Variants in OXR1 observed in about 807,000 individuals in gnomAD.
OXR1 encodes oxidation resistance 1, also known as oxidation resistance protein 1.
A neutral mutation model predicts 104.6 loss-of-function variants in OXR1; 41 were observed. The ratio of observed to expected loss-of-function variants is 0.39; its 90% CI spans 0.31 to 0.51. The LOEUF is 0.51. OXR1 is among the 20% of genes least tolerant of loss of function. The pLI is 0.77. For missense variants in OXR1, 955 were observed against 1,031.9 expected, an observed-to-expected ratio of 0.93 and a Z score of 1.02; for synonymous variants, 348 against 348.4, an observed-to-expected ratio of 1.00 and a Z score of 0.01.
chr8:106,307,079 T>C (rs1813491581), intron 1 of OXR1, among the ~76,000 whole-genome samples: 1 of 152,004 alleles, frequency 6.6e-6, no homozygotes, highest in South Asian at 2.1e-4. Flanking sequence ...TTATCAACAA[T>C]TGGGAAAAGA....
At chr8:106,437,661 G>A (rs763281605) in intron 2 of OXR1, among the ~76,000 whole-genome samples, 2 of 152,054 alleles carry the variant, frequency 1.3e-5, no homozygotes, top group African/African-American at 2.4e-5. Context: ...TGTGAATAAG[G>A]GATGGCAAAT....
intron 3 of OXR1, among the ~76,000 whole-genome samples, chr8:106,611,690 C>T (rs1355730856): frequency 6.6e-6 from 1 of 152,146 alleles, no homozygotes; most frequent in East Asian, 1.9e-4. Context: ...TGCCCTTTCC[C>T]ACCCCCATTC....
intron 3 of OXR1, among the ~76,000 whole-genome samples, chr8:106,593,178 G>A (rs770251924): frequency 5.3e-5 from 8 of 152,104 alleles, no homozygotes; most frequent in South Asian, 2.1e-4. Context: ...CCTACCTCAC[G>A]GACTGTTAGA....
chr8:106,531,452 G>A (rs1814088223), intron 3 of OXR1, among the ~76,000 whole-genome samples: 1 of 152,102 alleles, frequency 6.6e-6, no homozygotes, highest in Non-Finnish European at 1.5e-5. Context: ...AAGATTCTTG[G>A]AGGTTATTGT....
intron 3 of OXR1, among the ~76,000 whole-genome samples, chr8:106,551,181 A>G (rs928816110): frequency 6.6e-6 from 1 of 152,226 alleles, no homozygotes; most frequent in Non-Finnish European, 1.5e-5. Flanking sequence ...TAGGTAAATT[A>G]TCTGGAAAAT....
At chr8:106,536,925 A>C (rs1327590764) in intron 3 of OXR1, among the ~76,000 whole-genome samples, 1 of 152,182 alleles carries the variant, frequency 6.6e-6, no homozygotes, top group African/African-American at 2.4e-5. Flanking sequence ...CTGTTATCTG[A>C]AAAGCAGTTA....
chr8:106,751,001 T>G lies in OXR1; in HGVS notation c.*60T>G. ...CAAACCTGACATGGACAAGCATTGT[T>G]TGGAAAGTTCAAGAAGCAATACAGT... On this transcript the variant is annotated 3_prime_UTR_variant, in exon 17 of 17. Coordinates refer to ENST00000517566, the MANE Select transcript of OXR1 (RefSeq NM_001198533.2). 7.3e-7 allele frequency: 1 copy of G among 1,376,670 alleles called. No individual in the cohort carries two copies. The highest frequency in any genetic ancestry group is 1.0e-6 in the Non-Finnish European group (1 of 1,004,926). The allele number at this position is 1,376,670 out of a possible 1,614,324, so 85.3% of individuals were successfully genotyped here. A position where few individuals can be genotyped will look rare whatever the true frequency, so the allele number is the denominator to read the frequency against.
At chr8:106,285,490 C>T (rs774945765) in intron 1 of OXR1, among the ~76,000 whole-genome samples, 17 of 152,048 alleles carry the variant, frequency 1.1e-4, no homozygotes, top group Non-Finnish European at 2.5e-4. Context: ...AGTGTCCTTC[C>T]GTTTAATGCT....
At chr8:106,275,914 A>G (rs1475893520) in intron 1 of OXR1, among the ~76,000 whole-genome samples, 1 of 152,216 alleles carries the variant, frequency 6.6e-6, no homozygotes, top group Non-Finnish European at 1.5e-5. Flanking sequence ...ATGCAGGAAA[A>G]AGGCAACCTT....
chr8:106,566,634 G>A (rs984405532), intron 3 of OXR1, among the ~76,000 whole-genome samples: 3 of 152,102 alleles, frequency 2.0e-5, no homozygotes, highest in Admixed American at 1.3e-4. Context: ...ATACTCAAAG[G>A]ATTATAAATC....
intron 3 of OXR1, among the ~76,000 whole-genome samples, chr8:106,647,425 T>C (rs1000652756): frequency 1.3e-5 from 2 of 152,184 alleles, no homozygotes; most frequent in African/African-American, 4.8e-5. Context: ...GGGACACAGG[T>C]GGCAGTCTCA....
At chr8:106,645,090 C>G (rs915241320) in intron 3 of OXR1, among the ~76,000 whole-genome samples, 2 of 152,000 alleles carry the variant, frequency 1.3e-5, no homozygotes, top group African/African-American at 4.8e-5. Context: ...TGGGAGATTT[C>G]ATTTTACTAC....
intron 8 of OXR1, among the ~76,000 whole-genome samples, chr8:106,704,380 T>C (rs977286882): frequency 1.3e-5 from 2 of 148,348 alleles, no homozygotes; most frequent in Non-Finnish European, 3.0e-5. Context: ...TTTCTTTTTC[T>C]TTCTTTCTTC....
intron 3 of OXR1, among the ~76,000 whole-genome samples, chr8:106,624,293 G>A (rs1266106676): frequency 6.6e-6 from 1 of 152,196 alleles, no homozygotes; most frequent in Non-Finnish European, 1.5e-5. Flanking sequence ...AAGATATTTA[G>A]ATAACAAATG....
chr8:106,292,910 C>T (rs1384981177), intron 1 of OXR1, among the ~76,000 whole-genome samples: 1 of 152,236 alleles, frequency 6.6e-6, no homozygotes. Flanking sequence ...AAGCTTCGCC[C>T]TGGTTGCCAA....
chr8:106,733,736 G>A (rs1351198633), intron 11 of OXR1, among the ~76,000 whole-genome samples: 1 of 146,036 alleles, frequency 6.8e-6, no homozygotes, highest in African/African-American at 2.5e-5. Flanking sequence ...TGAGGCAGAA[G>A]AATCACTTGA....
intron 11 of OXR1, chr8:106,726,177 G>C (rs1157297977): frequency 2.7e-6 from 4 of 1,485,848 alleles, no homozygotes; most frequent in Non-Finnish European, 3.6e-6. Flanking sequence ...ATCTTTGACA[G>C]AGGAAGAATG....
chr8:106,369,409 C>G (rs1378454021), intron 2 of OXR1, among the ~76,000 whole-genome samples: 1 of 152,122 alleles, frequency 6.6e-6, no homozygotes, highest in Non-Finnish European at 1.5e-5. Flanking sequence ...TAATTAGAAC[C>G]CATTTGTCAA....
intron 1 of OXR1, among the ~76,000 whole-genome samples, chr8:106,279,634 C>A (rs1812197165): frequency 6.6e-6 from 1 of 152,094 alleles, no homozygotes. Context: ...CATAGAAAAG[C>A]TCTGAACTAA....
Sources: gnomAD v4.1 joint callset for allele counts (sites outside exome capture counted in the v4.1 genomes callset) on GRCh38, gnomAD v4.1.1 for gene constraint, MANE v1.5 for transcripts, NCBI Gene and HGNC (gene_info 2026-07-23, HGNC 2026-07-21) for gene names.